Variants in GRIK4 observed in about 807,000 individuals in gnomAD.
GRIK4 encodes glutamate ionotropic receptor kainate type subunit 4.
In GRIK4, 40 loss-of-function variants were observed where a neutral mutation model predicts 104.9. The ratio of observed to expected loss-of-function variants is 0.38; its 90% CI spans 0.30 to 0.50. The LOEUF (loss-of-function observed/expected upper bound fraction) is 0.50. GRIK4 is among the 20% of genes least tolerant of loss of function. GRIK4 has a pLI of 0.93. For synonymous variants in GRIK4, 485 were observed against 524.9 expected (o/e 0.92, Z 1.04); for missense variants, 1,047 against 1,308.1 (o/e 0.80, Z 3.08).
At chr11:120,571,808 G>A (rs1948403995) in intron 1 of GRIK4, among the ~76,000 whole-genome samples, 1 of 152,166 alleles carries the variant, frequency 6.6e-6, no homozygotes, top group African/African-American at 2.4e-5. Flanking sequence ...GGTCTGTGAG[G>A]TGACCTGGGT....
At chr11:120,808,244 C>A (rs1207291144) in intron 4 of GRIK4, among the ~76,000 whole-genome samples, 2 of 152,176 alleles carry the variant, frequency 1.3e-5, no homozygotes, top group Admixed American at 1.3e-4. Flanking sequence ...CTACCAGCAC[C>A]CTGGGCTTCT....
chr11:120,651,797 G>T (rs566419140), intron 1 of GRIK4, among the ~76,000 whole-genome samples: 1 of 152,294 alleles, frequency 6.6e-6, no homozygotes, highest in Admixed American at 6.5e-5. Context: ...TGGCCAAAGG[G>T]TACTCCCAGA....
chr11:120,547,683 C>T (rs1259025236), intron 1 of GRIK4, among the ~76,000 whole-genome samples: 1 of 152,026 alleles, frequency 6.6e-6, no homozygotes, highest in East Asian at 1.9e-4. Flanking sequence ...AGGGAGGGAC[C>T]AGACATTACA....
intron 1 of GRIK4, among the ~76,000 whole-genome samples, chr11:120,543,144 G>A (rs187977069): frequency 9.9e-5 from 15 of 152,100 alleles, no homozygotes; most frequent in Non-Finnish European, 1.5e-4. Flanking sequence ...GGATAGGAGC[G>A]GAAAAAACTA....
intron 1 of GRIK4, among the ~76,000 whole-genome samples, chr11:120,598,605 C>T (rs953108732): frequency 1.3e-5 from 2 of 152,196 alleles, no homozygotes; most frequent in African/African-American, 4.8e-5. Flanking sequence ...CTAGATGGCT[C>T]CTTTGGTCTT....
intron 11 of GRIK4, among the ~76,000 whole-genome samples, chr11:120,887,055 C>G (rs1175916655): frequency 6.6e-6 from 1 of 152,256 alleles, no homozygotes; most frequent in Non-Finnish European, 1.5e-5. Context: ...AGCTCTCATT[C>G]TTGGAAAGTT....
rs1434437155 is a variant in GRIK4 at position 120,555,704 on chromosome 11, C to T, written c.-159+43817C>T. 6.6e-6 allele frequency among the ~76,000 whole-genome samples: 1 copy of T among 152,142 alleles called. No individual in the cohort carries two copies. The highest frequency in any genetic ancestry group is 1.5e-5 in the Non-Finnish European group (1 of 68,032). ...GGTCTGCCCTCCTTCTGCCCAGGGT[C>T]CTTTCGACTTCTCAGGAAAGCTGCG... On this transcript the variant is annotated intron_variant, in intron 1 of 20. Transcript: ENST00000527524. The surrounding 1 kb of genome is among the most constrained non-coding windows in gnomAD (Gnocchi z 5.3).
intron 3 of GRIK4, among the ~76,000 whole-genome samples, chr11:120,728,297 T>C (rs1951067780): frequency 1.3e-5 from 2 of 152,140 alleles, no homozygotes; most frequent in Admixed American, 1.3e-4. Flanking sequence ...AATGTGAACA[T>C]GAGCCAAGGA....
intron 13 of GRIK4, among the ~76,000 whole-genome samples, chr11:120,923,376 C>T (rs1943264546): frequency 6.6e-6 from 1 of 151,474 alleles, no homozygotes; most frequent in South Asian, 2.1e-4. Context: ...TGAGCACTTG[C>T]CCCATGCTAG....
At chr11:120,599,510 CT>C (rs1463942450) in intron 1 of GRIK4, among the ~76,000 whole-genome samples, 1 of 152,180 alleles carries the variant, frequency 6.6e-6, no homozygotes, top group Non-Finnish European at 1.5e-5. Context: ...GTTTTAGGCC[CT>C]TTGAAGGAAG....
intron 3 of GRIK4, among the ~76,000 whole-genome samples, chr11:120,719,297 A>G (rs535231605): frequency 1.3e-5 from 2 of 152,298 alleles, no homozygotes; most frequent in East Asian, 1.9e-4. Flanking sequence ...GGTATTTCCT[A>G]TAATCTGCTC....
intron 1 of GRIK4, among the ~76,000 whole-genome samples, chr11:120,533,047 A>G (rs1947938297): frequency 1.3e-5 from 2 of 152,176 alleles, no homozygotes; most frequent in Non-Finnish European, 2.9e-5. Context: ...GTGGAGGCCA[A>G]TGTAGGGGGG....
intron 19 of GRIK4, among the ~76,000 whole-genome samples, chr11:120,981,704 G>A (rs1203659572): frequency 6.6e-6 from 1 of 152,188 alleles, no homozygotes; most frequent in African/African-American, 2.4e-5. Flanking sequence ...TAAATACAAT[G>A]TTAGGAAGAT....
At chr11:120,759,903 A>G (rs1951717871) in intron 3 of GRIK4, among the ~76,000 whole-genome samples, 1 of 152,146 alleles carries the variant, frequency 6.6e-6, no homozygotes, top group Non-Finnish European at 1.5e-5. Context: ...ACATATAGAT[A>G]GTAAGATGGT....
intron 9 of GRIK4, chr11:120,871,008 A>G (rs570442510): frequency 6.5e-6 from 1 of 153,100 alleles, no homozygotes; most frequent in African/African-American, 2.4e-5. Flanking sequence ...TCGGCCTCCC[A>G]AAGGGTTGGG....
intron 3 of GRIK4, among the ~76,000 whole-genome samples, chr11:120,693,916 G>A (rs1161618386): frequency 6.6e-6 from 1 of 151,936 alleles, no homozygotes; most frequent in Non-Finnish European, 1.5e-5. Flanking sequence ...TCTGAGACAA[G>A]GGCGTCACCT....
At chr11:120,884,366 T>C (rs1325705953) in intron 11 of GRIK4, among the ~76,000 whole-genome samples, 1 of 152,046 alleles carries the variant, frequency 6.6e-6, no homozygotes. Flanking sequence ...ATTCCCGGAG[T>C]CTCGCTTCTA....
intron 1 of GRIK4, among the ~76,000 whole-genome samples, chr11:120,594,185 G>T (rs1316770852): frequency 6.6e-6 from 1 of 152,136 alleles, no homozygotes; most frequent in African/African-American, 2.4e-5. Flanking sequence ...ATTACCCTTA[G>T]AATAAAATCC....
At chr11:120,920,312 C>G (rs529394612) in intron 13 of GRIK4, among the ~76,000 whole-genome samples, 1 of 152,170 alleles carries the variant, frequency 6.6e-6, no homozygotes, top group Non-Finnish European at 1.5e-5. Flanking sequence ...CTTCCCTCCC[C>G]ACGTAGGGCT....
Sources: gnomAD v4.1 joint callset for allele counts (sites outside exome capture counted in the v4.1 genomes callset) on GRCh38, gnomAD v4.1.1 for gene constraint, Gnocchi (gnomAD v3.1) non-coding constraint, MANE v1.5 for transcripts, NCBI Gene and HGNC (gene_info 2026-07-23, HGNC 2026-07-21) for gene names.